The following MCF2L variants were observed in gnomAD, a reference collection of about 807,000 sequenced individuals.
The protein encoded by MCF2L is MCF.2 cell line derived transforming sequence like, also known as guanine nucleotide exchange factor DBS.
MCF2L carries 97 observed loss-of-function variants against 153.4 expected under a neutral mutation model. That is an observed-to-expected ratio of 0.63 (90% CI 0.54 to 0.75). MCF2L has a LOEUF of 0.75. Among genes scored for constraint, MCF2L ranks in the 30% least tolerant of loss-of-function variants. The probability of loss-of-function intolerance (pLI) is 0.00; values close to 1 mark genes in which losing one functional copy is unlikely to be tolerated. For synonymous variants in MCF2L, 659 were observed against 632.2 expected, an observed-to-expected ratio of 1.04 and a Z score of -0.64; for missense variants, 1,347 against 1,495.2, an observed-to-expected ratio of 0.90 and a Z score of 1.64.
At chr13:113,094,386 A>G in intron 26 of MCF2L, 128 bp from the exon 27 acceptor site, 1 of 923,628 alleles carries the variant, frequency 1.1e-6, no homozygotes, top group Non-Finnish European at 1.6e-6. Flanking sequence ...CGGGAAGATG[A>G]CAGGCTCTGT....
intron 13 of MCF2L, among the ~76,000 whole-genome samples, 167 bp from the exon 14 acceptor site, chr13:113,078,196 C>G (rs2033707336): frequency 6.6e-6 from 1 of 152,104 alleles, no homozygotes; most frequent in Non-Finnish European, 1.5e-5. Flanking sequence ...CAAGTCCTGC[C>G]CATGCCACCC....
chr13:112,988,883 C>T (rs1419131267), intron 1 of MCF2L, among the ~76,000 whole-genome samples: 20 of 111,358 alleles, frequency 1.8e-4, no homozygotes, highest in African/African-American at 2.2e-4. Context: ...GGAGCTACCA[C>T]GCCCGAGTCC....
At chr13:112,997,810 G>A (rs986680900) in intron 1 of MCF2L, among the ~76,000 whole-genome samples, 16 of 152,364 alleles carry the variant, frequency 1.1e-4, no homozygotes, top group African/African-American at 3.8e-4. Flanking sequence ...TGTCCCCAAG[G>A]TGCAGGGACC....
chr13:113,010,531 G>A (rs772148024), intron 1 of MCF2L, among the ~76,000 whole-genome samples: 3 of 152,196 alleles, frequency 2.0e-5, no homozygotes, highest in African/African-American at 7.2e-5. Flanking sequence ...CGTCGTCCCC[G>A]TAGTGGCCAG....
Position 113,086,108 on chromosome 13 carries a change from A to T in MCF2L, c.2248-16A>T. The T allele has an allele frequency of 3.8e-6, 6 of 1,594,844 alleles. No homozygotes were observed. The highest frequency in any genetic ancestry group is 5.1e-6 in the Non-Finnish European group (6 of 1,170,556). On this transcript the variant is annotated splice_polypyrimidine_tract_variant and intron_variant, in intron 20 of 29. Transcript: ENST00000535094. ...CTCCGTGTCCCGACGCGGTTGCCTC[A>T]CCCCATGCCCCTCAGGAAATGCTGA...
chr13:112,903,583 A>G (rs2081140143), intron 2 of MCF2L, among the ~76,000 whole-genome samples: 1 of 152,028 alleles, frequency 6.6e-6, no homozygotes, highest in African/African-American at 2.4e-5. Flanking sequence ...TGCACTTGGA[A>G]ACGCAGGCTG....
At chr13:112,961,829 G>A (rs535817227) in intron 2 of MCF2L, among the ~76,000 whole-genome samples, 29 of 152,340 alleles carry the variant, frequency 1.9e-4, no homozygotes, top group African/African-American at 6.0e-4. Context: ...ATGGCCTGCT[G>A]GGGTACGGAA....
At chr13:112,925,342 G>C (rs1173025329) in intron 2 of MCF2L, among the ~76,000 whole-genome samples, 1 of 152,192 alleles carries the variant, frequency 6.6e-6, no homozygotes, top group East Asian at 1.9e-4. Context: ...AGGGTCTAAA[G>C]CTAAGCATGT....
Position 113,053,485 on chromosome 13 carries a change from G to A in MCF2L, c.370-7108G>A, listed in dbSNP as rs1183371717. On this transcript the variant is annotated intron_variant, in intron 4 of 29. Transcript: ENST00000535094. The surrounding 1 kb of genome is among the most constrained non-coding windows in gnomAD (Gnocchi z 4.4). ...GGGGCAGCCCGTGGAGGCCCAGGAT[G>A]TCCATGTGTCCCGTGATTGGGGCGG... 6.6e-6 allele frequency among the ~76,000 whole-genome samples: 1 copy of A among 152,238 alleles called. No individual in the cohort carries two copies. The highest frequency in any genetic ancestry group is 1.5e-5 in the Non-Finnish European group (1 of 68,038).
rs566758143 is a variant in MCF2L at position 112,953,923 on chromosome 13, C to T, written c.169+51552C>T. Among the ~76,000 whole-genome samples, 4 of 152,344 alleles carry T rather than the reference C, an allele frequency of 2.6e-5. No individual in the cohort carries two copies. In the South Asian group the frequency reaches 8.3e-4, roughly 32 times the overall value. On this transcript the variant is annotated intron_variant, in intron 2 of 29. Transcript: ENST00000375608. ...CACCTCTCCTCCCCCTGCATGTTTC[C>T]AGGTCGCATATGAGTGTCTAGGTTG...
At chr13:112,973,564 G>C (rs2082121235) in intron 1 of MCF2L, among the ~76,000 whole-genome samples, 1 of 152,212 alleles carries the variant, frequency 6.6e-6, no homozygotes, top group African/African-American at 2.4e-5. Flanking sequence ...CCACGGCTCA[G>C]TGCTTCCCAA....
At chr13:113,032,116 G>C (rs1243821152) in intron 3 of MCF2L, among the ~76,000 whole-genome samples, 1 of 152,134 alleles carries the variant, frequency 6.6e-6, no homozygotes, top group Non-Finnish European at 1.5e-5. Flanking sequence ...CAAGAGGAGA[G>C]TCCTCCTATC....
intron 2 of MCF2L, chr13:112,909,830 G>A (rs1306960877): frequency 6.5e-6 from 1 of 152,944 alleles, no homozygotes; most frequent in Non-Finnish European, 1.5e-5. Context: ...TAGTAGAGAT[G>A]GGGTTTCACC....
rs1175521666 is a variant in MCF2L, at chr13:113,046,185, G to A, written c.369+824G>A. ...AGCTCCCACCCGTATGCATGACCCC[G>A]GCATGGAGCATTTTTCACCCACGCT... On this transcript the variant is annotated intron_variant, in intron 4 of 29. Coordinates refer to ENST00000535094, the MANE Select transcript of MCF2L (RefSeq NM_001112732.3). This position sits in a 1 kb window ranked among gnomAD's most constrained non-coding sequence, Gnocchi z 4.4. The A allele has an allele frequency of 2.1e-5, 4 of 188,476 alleles. No individual in the cohort carries two copies. The highest frequency in any genetic ancestry group is 2.0e-3 in the Middle Eastern group (1 of 490). 11.7% of individuals were successfully genotyped at this position (188,476 alleles called of 1,614,324 possible).
chr13:113,095,437 G>A, intron 27 of MCF2L: 2 of 1,085,432 alleles, frequency 1.8e-6, no homozygotes, highest in Non-Finnish European at 2.2e-6. Flanking sequence ...CACGTGGCAG[G>A]AGGGGAAACA....
rs185217776 is a variant in MCF2L at position 112,946,894 on chromosome 13, G to A, written c.169+44523G>A. Among the ~76,000 whole-genome samples, 5 of 152,288 alleles carry A rather than the reference G, an allele frequency of 3.3e-5. No homozygotes were observed. In the East Asian group the frequency reaches 5.8e-4, roughly 18 times the overall value. ...GAAGCACACACAGGACAACTCTGAG[G>A]GGGGGAGGAGGAGGCAGAATAGTCA... On this transcript the variant is annotated intron_variant, in intron 2 of 29. Transcript: ENST00000375608.
intron 2 of MCF2L, among the ~76,000 whole-genome samples, chr13:113,023,129 G>T (rs372837164): frequency 6.6e-6 from 1 of 152,242 alleles, no homozygotes; most frequent in East Asian, 1.9e-4. Context: ...AAGGGGGGCC[G>T]TCACGGTGTG....
exon 2 of MCF2L, chr13:112,902,323 G>A (rs775717849): frequency 1.2e-5 from 19 of 1,612,800 alleles, no homozygotes; most frequent in South Asian, 5.5e-5. Context: ...TGTGTCTGAC[G>A]TCATCAGGCT....
chr13:113,065,230 C>T (rs758232933), intron 7 of MCF2L, 145 bp downstream of exon 7: 1 of 894,378 alleles, frequency 1.1e-6, no homozygotes, highest in Non-Finnish European at 1.7e-6. Flanking sequence ...AGTCAGCAGG[C>T]TTGAGATGCC....
Sources: gnomAD v4.1 joint callset for allele counts (sites outside exome capture counted in the v4.1 genomes callset) on GRCh38, gnomAD v4.1.1 for gene constraint, Gnocchi (gnomAD v3.1) non-coding constraint, MANE v1.5 for transcripts, NCBI Gene and HGNC (gene_info 2026-07-23, HGNC 2026-07-21) for gene names.